The following BMP1 variants were observed in gnomAD, a reference collection of about 807,000 sequenced individuals.
The protein encoded by BMP1 is mammalian tolloid protein.
A neutral mutation model predicts 116.8 loss-of-function variants in BMP1; 63 were observed. The observed-to-expected ratio is 0.54, with a 90% CI of 0.44 to 0.67. BMP1 has a LOEUF of 0.67. Ranked by LOEUF, BMP1 falls within the 30% of genes least tolerant of loss-of-function variation. The probability of loss-of-function intolerance (pLI) is 0.00; values close to 1 mark genes in which losing one functional copy is unlikely to be tolerated. For synonymous variants in BMP1, 536 were observed against 533.4 expected (o/e 1.00, Z -0.07); for missense variants, 1,183 against 1,358.9 (o/e 0.87, Z 2.04).
At chr8:22,211,085 G>GC (rs1433109291) in intron 19 of BMP1, among the ~76,000 whole-genome samples, 12 of 152,166 alleles carry the variant, frequency 7.9e-5, no homozygotes, top group Non-Finnish European at 1.5e-4. Flanking sequence ...CAGAGTCCAG[G>GC]CCTGGGGGGC....
chr8:22,176,677 C>T (rs753535814), intron 4 of BMP1, 27 bp downstream of exon 4: 1 of 1,609,218 alleles, frequency 6.2e-7, no homozygotes, highest in South Asian at 1.1e-5. Flanking sequence ...AGGCGCTGTA[C>T]CTTCCGCCAT....
chr8:22,207,100 G>C (rs1187533313), intron 17 of BMP1, 119 bp downstream of exon 17: 1 of 1,503,102 alleles, frequency 6.7e-7, no homozygotes, highest in African/African-American at 1.4e-5. Context: ...GAGACCCCAA[G>C]TCTGGCCTGG....
At chr8:22,204,842 T>C (rs889335576) in intron 16 of BMP1, among the ~76,000 whole-genome samples, 1 of 151,216 alleles carries the variant, frequency 6.6e-6, no homozygotes. Flanking sequence ...CCATAGCGAG[T>C]GTTCTCGAAG....
intron 16 of BMP1, among the ~76,000 whole-genome samples, chr8:22,205,172 A>C (rs1340759992): frequency 4.0e-5 from 6 of 151,884 alleles, no homozygotes; most frequent in African/African-American, 1.5e-4. Flanking sequence ...GGTAGGAGAG[A>C]GGTGGTCTGC....
chr8:22,205,575 CAT>C (rs1829337893), intron 16 of BMP1, among the ~76,000 whole-genome samples: 1 of 151,824 alleles, frequency 6.6e-6, no homozygotes, highest in Admixed American at 6.6e-5. Flanking sequence ...AGGAGTTTGA[CAT>C]CAGCCTGGGC....
chr8:22,205,107 G>A lies in BMP1; in HGVS notation c.2234-1747G>A, dbSNP rs551896276. 7.4e-4 allele frequency among the ~76,000 whole-genome samples: 113 copies of A among 152,298 alleles called. 1 individual carries two copies. Among genetic ancestry groups the A allele is most frequent in the African/African-American group, 2.6e-3 (106 of 41,552 alleles). ...GGTAGCAGGGTAGGTGGGTTTGCAG[G>A]TCGGAGTCCAGAGGTTGAAGCCATT... On this transcript the variant is annotated intron_variant, in intron 16 of 19. Coordinates refer to ENST00000306385, the MANE Select transcript of BMP1 (RefSeq NM_006129.5).
intron 8 of BMP1, among the ~76,000 whole-genome samples, chr8:22,183,283 G>C (rs1178074424): frequency 6.6e-6 from 1 of 152,186 alleles, no homozygotes; most frequent in Non-Finnish European, 1.5e-5. Context: ...TGGGTGTCTG[G>C]TGGGTGTTGG....
At chr8:22,197,026 G>A (rs935327540) in intron 14 of BMP1, among the ~76,000 whole-genome samples, 186 bp downstream of exon 14, 1 of 152,230 alleles carries the variant, frequency 6.6e-6, no homozygotes, top group South Asian at 2.1e-4. Flanking sequence ...GGGGCGGGGG[G>A]ACATGTAGCA....
intron 2 of BMP1, among the ~76,000 whole-genome samples, chr8:22,174,224 T>G (rs1366924139): frequency 6.6e-6 from 1 of 152,218 alleles, no homozygotes; most frequent in Non-Finnish European, 1.5e-5. Context: ...CAGGAGCTTC[T>G]CCTATTCTTC....
chr8:22,166,132 G>A (rs948898156), intron 1 of BMP1, among the ~76,000 whole-genome samples: 1 of 152,006 alleles, frequency 6.6e-6, no homozygotes, highest in Non-Finnish European at 1.5e-5. Flanking sequence ...TGGGTATCCC[G>A]TAGTTTAACC....
intron 15 of BMP1, chr8:22,201,151 GC>G: frequency 6.2e-7 from 1 of 1,603,244 alleles, no homozygotes; most frequent in Non-Finnish European, 8.5e-7. Flanking sequence ...CCTCGGGGAC[GC>G]CCCCACCAGC....
chr8:22,176,415 G>T, intron 3 of BMP1, 102 bp downstream of exon 3: 5 of 1,548,372 alleles, frequency 3.2e-6, no homozygotes, highest in Admixed American at 1.7e-5. Flanking sequence ...TGCAGCCCGA[G>T]TGCCCACACA....
Position 22,177,146 on chromosome 8 carries a change from A to T in BMP1, c.730+7A>T, listed in dbSNP as rs757641467. 4.4e-6 allele frequency: 7 copies of T among 1,592,834 alleles called. No individual in the cohort carries two copies. The African/African-American group carries it at 8.1e-5, about 18-fold the overall frequency. On this transcript the variant is annotated splice_region_variant and intron_variant, in intron 5 of 19. Coordinates refer to ENST00000306385, the MANE Select transcript of BMP1 (RefSeq NM_006129.5). Reference sequence around the variant, plus strand: ...CGTGAGAACATCCAGCCAGGTAGGTACCTGCCCCTCGGTGCGGCCTTGGTG... The same window carrying T: ...CGTGAGAACATCCAGCCAGGTAGGTTCCTGCCCCTCGGTGCGGCCTTGGTG...
intron 16 of BMP1, among the ~76,000 whole-genome samples, chr8:22,202,694 A>C (rs1829289077): frequency 6.6e-6 from 1 of 152,126 alleles, no homozygotes; most frequent in East Asian, 1.9e-4. Context: ...TTTTACTTTT[A>C]AACAGGTTTT....
At chr8:22,182,582 C>T (rs1828654143) in intron 8 of BMP1, among the ~76,000 whole-genome samples, 1 of 152,186 alleles carries the variant, frequency 6.6e-6, no homozygotes, top group Non-Finnish European at 1.5e-5. Context: ...ATCTACTGTT[C>T]CACCCGTTGA....
In BMP1 at chr8:22,192,142, C is replaced by A. The variant is rs550032501; in HGVS notation, c.1171C>A (p.Pro391Thr). 1 of 1,613,256 alleles carries A rather than the reference C, an allele frequency of 6.2e-7. No homozygotes were observed. The highest frequency in any genetic ancestry group is 1.1e-5 in the South Asian group (1 of 91,054). ...EVRDGFWRKAPLRGRFCGSKL... is the reference protein window; with the variant it reads ...EVRDGFWRKATLRGRFCGSKL... ...CCGAGATGGCTTCTGGAGGAAGGCG[C>A]CCCTCCGAGGTAACGGCACCAGCCA... Residue 391 changes from proline (P) to threonine (T), a missense_variant, in exon 9 of 20, where the codon CCC becomes ACC. Physicochemically the swap from Pro to Thr is conservative, Grantham distance 38 (BLOSUM62 -1). Around this residue, in one of 4 missense-constraint regions of BMP1, gnomAD observed 956 missense variants for 1,135.2 expected, o/e 0.84. Transcript: ENST00000306385.
chr8:22,207,389 C>T lies in BMP1; in HGVS notation c.2448C>T (p.Pro816=), dbSNP rs775742838. The T allele has an allele frequency of 2.2e-5, 35 of 1,614,078 alleles. No individual in the cohort carries two copies. The highest frequency in any genetic ancestry group is 1.2e-4 in the African/African-American group (9 of 74,946). Residue 816 remains proline (P), a synonymous_variant, in exon 18 of 20, where the codon CCC becomes CCT. Transcript: ENST00000306385. ...EVFDGRDAKA[P]VLGRFCGSKK... is the part of the protein sequence containing the mutation. The stretch of plus-strand genomic sequence containing the variant: ...TCGACGGGCGAGACGCCAAGGCCCC[C>T]GTCCTCGGCCGCTTCTGTGGGAGCA...
intron 18 of BMP1, 49 bp downstream of exon 18, chr8:22,207,565 T>G: frequency 6.3e-7 from 1 of 1,594,766 alleles, no homozygotes; most frequent in Non-Finnish European, 8.6e-7. Flanking sequence ...TCTCCAAGAC[T>G]GGGGTAGAGT....
intron 15 of BMP1, chr8:22,201,566 C>G (rs573980090): frequency 7.1e-7 from 1 of 1,401,866 alleles, no homozygotes; most frequent in African/African-American, 1.5e-5. Flanking sequence ...TCCGCTCGGA[C>G]CCCCATCCTC....
Sources: allele counts gnomAD v4.1 joint callset (sites outside exome capture counted in the v4.1 genomes callset), GRCh38; gene constraint gnomAD v4.1.1; regional missense constraint gnomAD v4.1.1; transcripts MANE v1.5; gene names NCBI Gene and HGNC (gene_info 2026-07-23, HGNC 2026-07-21).